The following DOLPP1 variants were observed in gnomAD, a reference collection of about 807,000 sequenced individuals.
DOLPP1 encodes the protein dolichyldiphosphatase 1.
Under a neutral mutation model 34.1 loss-of-function variants are expected in DOLPP1, and 15 were observed. The observed-to-expected ratio is 0.44, with a 90% CI of 0.29 to 0.68. The LOEUF (loss-of-function observed/expected upper bound fraction) is 0.68. DOLPP1 is among the 30% of genes least tolerant of loss of function. The pLI is 0.12. For missense variants in DOLPP1, 249 were observed against 307.1 expected (o/e 0.81, Z 1.41); for synonymous variants, 130 against 128.2 (o/e 1.01, Z -0.10).
intron 7 of DOLPP1, among the ~76,000 whole-genome samples, chr9:129,088,657 T>C (rs1387509520): frequency 6.6e-6 from 1 of 152,168 alleles, no homozygotes; most frequent in East Asian, 1.9e-4. Flanking sequence ...AAACTCCCCA[T>C]AACTAATTGG....
In DOLPP1 at chr9:129,085,313, T is replaced by C. The variant is rs1204407817; in HGVS notation, c.362+7T>C. 1 of 1,612,560 alleles carries C rather than the reference T, an allele frequency of 6.2e-7. No individual in the cohort carries two copies. Among genetic ancestry groups the C allele is most frequent in the African/African-American group, 1.3e-5 (1 of 74,916 alleles). The stretch of plus-strand genomic sequence containing the variant: ...TCCTTTTCCTGTATTTAAGGTGAGT[T>C]TCCACCCCGGTCAGGATGGCCCTGA... On this transcript the variant is annotated splice_region_variant and intron_variant, in intron 4 of 7. Coordinates refer to ENST00000372546, the MANE Select transcript of DOLPP1 (RefSeq NM_020438.5). This position sits in a 1 kb window ranked among gnomAD's most constrained non-coding sequence, Gnocchi z 7.0.
chr9:129,081,984 T>C (rs946150258), intron 1 of DOLPP1, among the ~76,000 whole-genome samples: 1 of 152,214 alleles, frequency 6.6e-6, no homozygotes, highest in African/African-American at 2.4e-5. Context: ...CTGATTACAG[T>C]GCTTACCTTC....
At chr9:129,084,980 C>G in intron 2 of DOLPP1, 43 bp from the exon 3 acceptor site, 1 of 1,541,394 alleles carries the variant, frequency 6.5e-7, no homozygotes, top group Admixed American at 1.9e-5. Flanking sequence ...TAGCAGCCAA[C>G]AGGTGCACAG....
intron 1 of DOLPP1, 122 bp downstream of exon 1, chr9:129,081,329 G>C: frequency 8.0e-7 from 1 of 1,254,524 alleles, no homozygotes. Flanking sequence ...CTGTCAAATA[G>C]TGAACCACGG....
rs1846987423 is a variant in DOLPP1, at chr9:129,086,276, C to T, written c.590+9C>T. 1.9e-6 allele frequency: 3 copies of T among 1,612,762 alleles called. No homozygotes were observed. Among genetic ancestry groups the T allele is most frequent in the Non-Finnish European group, 8.5e-7 (1 of 1,179,746 alleles). ...CCCAGGATAGCAGCCTGGTAACTGC[C>T]TCCTGCCTTCCTGGGCACTGTGGGC... On this transcript the variant is annotated intron_variant, in intron 6 of 7. Transcript: ENST00000372546.
chr9:129,085,295 C>T lies in DOLPP1; in HGVS notation c.351C>T (p.Phe117=), dbSNP rs754647209. 8.7e-6 allele frequency: 14 copies of T among 1,613,876 alleles called. No individual in the cohort carries two copies. The African/African-American group carries it at 1.3e-4, about 15-fold the overall frequency. Residue 117 remains phenylalanine (F), a synonymous_variant, in exon 4 of 8, where the codon TTC becomes TTT. Transcript: ENST00000372546. This position sits in a 1 kb window ranked among gnomAD's most constrained non-coding sequence, Gnocchi z 7.0. ...TCTTCTCCGTCTATTCCTTCCTTTT[C>T]CTGTATTTAAGGTGAGTTTCCACCC... ...MWFFSVYSFL[F]LYLRMHQTNN...
chr9:129,081,292 G>A, intron 1 of DOLPP1, 85 bp downstream of exon 1: 2 of 1,515,780 alleles, frequency 1.3e-6, no homozygotes, highest in Non-Finnish European at 1.8e-6. Context: ...AGCCCGCGGA[G>A]GGGGCGCCGG....
intron 1 of DOLPP1, 107 bp downstream of exon 1, chr9:129,081,314 G>T: frequency 3.5e-6 from 5 of 1,422,366 alleles, no homozygotes; most frequent in Non-Finnish European, 4.8e-6. Flanking sequence ...GGACCGGGGT[G>T]GGAACTGTCA....
intron 1 of DOLPP1, 151 bp from the exon 2 acceptor site, chr9:129,084,517 C>T (rs1161734035): frequency 2.8e-5 from 20 of 714,164 alleles, no homozygotes; most frequent in Non-Finnish European, 4.3e-5. Flanking sequence ...TTGGCACAAT[C>T]GGCCGGTAAA....
At position 129,089,241 on chromosome 9, in the gene DOLPP1, G is replaced by A. The variant is rs916895402; in HGVS notation, c.*234G>A. 3 of 466,412 alleles carry A rather than the reference G, an allele frequency of 6.4e-6. No homozygotes were observed. The highest frequency in any genetic ancestry group is 3.4e-5 in the Admixed American group (1 of 29,586). The allele number at this position is 466,412 out of a possible 1,614,324, so 28.9% of individuals were successfully genotyped here. ...CTGGGGGCCGTGGCCAGAGACCCTC[G>A]CTGTGCTGCTGCCAGCCCCTGGCTG... On this transcript the variant is annotated 3_prime_UTR_variant, in exon 8 of 8. Coordinates refer to ENST00000372546, the MANE Select transcript of DOLPP1 (RefSeq NM_020438.5). This position sits in a 1 kb window ranked among gnomAD's most constrained non-coding sequence, Gnocchi z 4.9.
chr9:129,087,611 C>G (rs1043223625), intron 7 of DOLPP1, among the ~76,000 whole-genome samples: 1 of 149,816 alleles, frequency 6.7e-6, no homozygotes, highest in South Asian at 2.2e-4. Flanking sequence ...CCACCTCGCC[C>G]GGCCGAAGGC....
intron 7 of DOLPP1, among the ~76,000 whole-genome samples, chr9:129,088,650 C>A (rs1369186851): frequency 1.3e-5 from 2 of 152,196 alleles, no homozygotes; most frequent in Non-Finnish European, 2.9e-5. Context: ...TAAAGCGAAA[C>A]TCCCCATAAC....
Position 129,086,721 on chromosome 9 carries a change from G to A in DOLPP1, c.603G>A (p.Glu201=). The change falls in exon 7 of 8, where the codon GAG becomes GAA. Residue 201 remains glutamate, a synonymous_variant. Coordinates refer to ENST00000372546, the MANE Select transcript of DOLPP1 (RefSeq NM_020438.5). ...FPRIAAWPVS[E]FFLIRDTSLI... ...TCTGTCTCTCCAGGCCTGTCTCCGA[G>A]TTCTTCCTAATCCGAGACACAAGCC... The A allele has an allele frequency of 6.2e-7, 1 of 1,613,970 alleles. No homozygotes were observed. The highest frequency in any genetic ancestry group is 8.5e-7 in the Non-Finnish European group (1 of 1,180,002).
At position 129,085,922 on chromosome 9, in the gene DOLPP1, T is replaced by G. The variant is rs1396501862; in HGVS notation, c.462-217T>G. On this transcript the variant is annotated intron_variant, in intron 5 of 7. Transcript: ENST00000372546. This position sits in a 1 kb window ranked among gnomAD's most constrained non-coding sequence, Gnocchi z 7.0. ...AGATGGGAGGCAGGCAGATCCCAGC[T>G]GGCCCTTCACTGCTACAGATGGGAG... is the stretch of plus-strand genomic sequence containing the variant. Among the ~76,000 whole-genome samples, 1 of 152,238 alleles carries G rather than the reference T, an allele frequency of 6.6e-6. No individual in the cohort carries two copies. The highest frequency in any genetic ancestry group is 2.4e-5 in the African/African-American group (1 of 41,464).
Position 129,084,727 on chromosome 9 carries a change from G to A in DOLPP1, c.136G>A (p.Gly46Ser), listed in dbSNP as rs770551586. ...CCTCAGCCCTGTATTTGTCATCGTC[G>A]GTTTCGTGACCCTCATCATATTTAA... ...LSLSPVFVIV[G>S]FVTLIIFKRE... The change falls in exon 2 of 8, where the codon GGT becomes AGT. Residue 46 changes from glycine to serine, a missense_variant. By Grantham distance (56) the Gly-to-Ser change is moderately conservative. Coordinates refer to ENST00000372546, the MANE Select transcript of DOLPP1 (RefSeq NM_020438.5). 1.8e-5 allele frequency: 29 copies of A among 1,613,848 alleles called. No individual in the cohort carries two copies. The highest frequency in any genetic ancestry group is 1.6e-4 in the Middle Eastern group (1 of 6,084).
rs141923245 is a variant in DOLPP1 at position 129,087,598 on chromosome 9, G to A, written c.680+800G>A. ...TCCAAAGTGCTGGGATTACAGGTGT[G>A]AGCCACCTCGCCCGGCCGAAGGCCG... On this transcript the variant is annotated intron_variant, in intron 7 of 7. Transcript: ENST00000372546. 3.9e-3 allele frequency among the ~76,000 whole-genome samples: 591 copies of A among 152,120 alleles called. 10 individuals carry two copies. Among genetic ancestry groups the A allele is most frequent in the African/African-American group, 0.013 (552 of 41,530 alleles).
chr9:129,086,087 C>G, intron 5 of DOLPP1, 52 bp from the exon 6 acceptor site: 1 of 1,583,284 alleles, frequency 6.3e-7, no homozygotes, highest in Non-Finnish European at 8.6e-7. Flanking sequence ...GGGGATTGTG[C>G]GGGCCTGTGT....
At chr9:129,087,874 T>G (rs1027290199) in intron 7 of DOLPP1, among the ~76,000 whole-genome samples, 1 of 151,570 alleles carries the variant, frequency 6.6e-6, no homozygotes, top group African/African-American at 2.4e-5. Flanking sequence ...CTGGCCCCGC[T>G]GATCTCTCAC....
chr9:129,086,621 C>T, intron 6 of DOLPP1, 88 bp from the exon 7 acceptor site: 1 of 1,395,008 alleles, frequency 7.2e-7, no homozygotes, highest in Non-Finnish European at 1.0e-6. Context: ...GGGTGCCGTG[C>T]CAGCCCCGGG....
Sources: gnomAD v4.1 joint callset for allele counts (sites outside exome capture counted in the v4.1 genomes callset) on GRCh38, gnomAD v4.1.1 for gene constraint, Gnocchi (gnomAD v3.1) non-coding constraint, MANE v1.5 for transcripts, NCBI Gene and HGNC (gene_info 2026-07-23, HGNC 2026-07-21) for gene names.